The following TCF4 variants were observed in gnomAD, a reference collection of about 807,000 sequenced individuals.
The protein encoded by TCF4 is transcription factor 4, also known as SL3-3 enhancer factor 2.
Under a neutral mutation model 82.1 loss-of-function variants are expected in TCF4, and 3 were observed. The observed-to-expected ratio is 0.04, with a 90% CI of 0.02 to 0.09. TCF4 has a LOEUF of 0.09. Ranked by LOEUF, TCF4 falls within the 10% of genes least tolerant of loss-of-function variation. The pLI is 1.00. For synonymous variants in TCF4, 276 were observed against 309.6 expected, an observed-to-expected ratio of 0.89 and a Z score of 1.14; for missense variants, 518 against 852.7, an observed-to-expected ratio of 0.61 and a Z score of 4.89.
chr18:55,263,730 C>CT (rs535053980), intron 11 of TCF4, among the ~76,000 whole-genome samples: 5,251 of 146,242 alleles, frequency 0.036, 298 homozygotes, highest in African/African-American at 0.12. Context: ...GGGTACTTAT[C>CT]TTTTTTTTTT....
At chr18:55,281,791 T>TA (rs2062664293) in intron 8 of TCF4, among the ~76,000 whole-genome samples, 1 of 151,984 alleles carries the variant, frequency 6.6e-6, no homozygotes. Flanking sequence ...TAATTTTGGT[T>TA]ATTTACAAGG....
chr18:55,608,186 A>G (rs1190265410), intron 2 of TCF4, among the ~76,000 whole-genome samples: 1 of 152,164 alleles, frequency 6.6e-6, no homozygotes, highest in Non-Finnish European at 1.5e-5. Flanking sequence ...CTTCTCCTTG[A>G]TAACATTATA....
At chr18:55,427,260 G>A (rs2095029258) in intron 5 of TCF4, among the ~76,000 whole-genome samples, 1 of 152,060 alleles carries the variant, frequency 6.6e-6, no homozygotes, top group South Asian at 2.1e-4. Context: ...ACTGGATGAG[G>A]GGAAAACATT....
intron 2 of TCF4, among the ~76,000 whole-genome samples, chr18:55,622,503 TAAAAAAA>T (rs765415861): frequency 1.8e-5 from 2 of 110,572 alleles, no homozygotes; most frequent in Non-Finnish European, 3.8e-5. Context: ...GACTCAATCT[TAAAAAAA>T]AAAAAAAAAA....
chr18:55,406,038 T>C (rs925890655), intron 5 of TCF4, among the ~76,000 whole-genome samples: 2 of 151,312 alleles, frequency 1.3e-5, no homozygotes, highest in African/African-American at 4.9e-5. Flanking sequence ...AGTGTTTCCA[T>C]GACATCAATG....
At chr18:55,582,215 G>C (rs963732602) in intron 3 of TCF4, among the ~76,000 whole-genome samples, 2 of 151,920 alleles carry the variant, frequency 1.3e-5, no homozygotes, top group East Asian at 3.9e-4. Flanking sequence ...TGGTAACTTA[G>C]GTATCCTACT....
intron 3 of TCF4, among the ~76,000 whole-genome samples, chr18:55,487,169 G>A (rs748706926): frequency 6.6e-6 from 1 of 152,092 alleles, no homozygotes; most frequent in Admixed American, 6.5e-5. Context: ...ACTCCTCACC[G>A]TTACCTAATA....
chr18:55,365,422 C>T (rs548156569), intron 6 of TCF4, among the ~76,000 whole-genome samples: 8 of 151,508 alleles, frequency 5.3e-5, no homozygotes, highest in South Asian at 2.1e-4. Flanking sequence ...GCATTGCTGT[C>T]GAGTGAGAAC....
chr18:55,296,541 T>G (rs2066542337), intron 8 of TCF4, among the ~76,000 whole-genome samples: 1 of 152,174 alleles, frequency 6.6e-6, no homozygotes, highest in African/African-American at 2.4e-5. Context: ...GCGTCCTTCA[T>G]CTTCATCATG....
intron 3 of TCF4, among the ~76,000 whole-genome samples, chr18:55,472,812 G>A (rs986868671): frequency 6.6e-6 from 1 of 152,130 alleles, no homozygotes; most frequent in East Asian, 1.9e-4. Flanking sequence ...AAATAAATGT[G>A]AAAATATTGC....
At chr18:55,488,901 T>C (rs1296729917) in intron 3 of TCF4, among the ~76,000 whole-genome samples, 1 of 152,216 alleles carries the variant, frequency 6.6e-6, no homozygotes, top group African/African-American at 2.4e-5. Context: ...TTTTGACGAT[T>C]GTGTGTACCT....
At chr18:55,271,305 T>G (rs963996021) in intron 10 of TCF4, among the ~76,000 whole-genome samples, 1 of 152,166 alleles carries the variant, frequency 6.6e-6, no homozygotes, top group Non-Finnish European at 1.5e-5. Context: ...TCACCTGTAT[T>G]GTAAACTCTT....
At chr18:55,335,938 T>G (rs2078538277) in intron 8 of TCF4, among the ~76,000 whole-genome samples, 1 of 151,888 alleles carries the variant, frequency 6.6e-6, no homozygotes, top group South Asian at 2.1e-4. Context: ...GTAGGAATAC[T>G]CATTAATGCA....
chr18:55,413,298 A>G (rs920970655), intron 5 of TCF4, among the ~76,000 whole-genome samples: 5 of 152,208 alleles, frequency 3.3e-5, no homozygotes, highest in Non-Finnish European at 7.4e-5. Flanking sequence ...CACTGAATAC[A>G]ATTGACCTAT....
chr18:55,440,100 A>G (rs1275434668), intron 5 of TCF4, among the ~76,000 whole-genome samples: 1 of 151,892 alleles, frequency 6.6e-6, no homozygotes, highest in Non-Finnish European at 1.5e-5. Flanking sequence ...CTGAATACGC[A>G]TGCCTGTTTC....
intron 8 of TCF4, chr18:55,321,686 T>C (rs2075529520): frequency 7.2e-6 from 11 of 1,536,004 alleles, no homozygotes; most frequent in East Asian, 2.4e-5. Flanking sequence ...CCCATTATAG[T>C]AGTACATCAA....
intron 6 of TCF4, among the ~76,000 whole-genome samples, chr18:55,398,152 G>A (rs1319196603): frequency 1.3e-5 from 2 of 152,266 alleles, no homozygotes; most frequent in East Asian, 3.9e-4. Context: ...CTTAACCAAT[G>A]CAATGAAAGA....
At chr18:55,421,937 C>A (rs2094775171) in intron 5 of TCF4, among the ~76,000 whole-genome samples, 1 of 152,084 alleles carries the variant, frequency 6.6e-6, no homozygotes, top group South Asian at 2.1e-4. Context: ...TTGTCGATAT[C>A]TCTGCTCTGG....
chr18:55,316,360 T>C (rs1312064620), intron 8 of TCF4, among the ~76,000 whole-genome samples: 2 of 152,130 alleles, frequency 1.3e-5, no homozygotes, highest in African/African-American at 4.8e-5. Context: ...AATAGATCCC[T>C]GATGGCAGCA....
Sources: allele counts gnomAD v4.1 joint callset (sites outside exome capture counted in the v4.1 genomes callset), GRCh38; gene constraint gnomAD v4.1.1; transcripts MANE v1.5; gene names NCBI Gene and HGNC (gene_info 2026-07-23, HGNC 2026-07-21).